FAT1: variants seen among roughly 807,000 people sequenced by gnomAD.
The protein encoded by FAT1 is protocadherin Fat 1.
FAT1 carries 171 observed loss-of-function variants against 329.8 expected under a neutral mutation model. That is an observed-to-expected ratio of 0.52 (90% CI 0.46 to 0.59). The LOEUF (loss-of-function observed/expected upper bound fraction) is 0.59. Among genes scored for constraint, FAT1 ranks in the 20% least tolerant of loss-of-function variants. The pLI, the probability that FAT1 is intolerant of heterozygous loss-of-function variation, is 0.00. For synonymous variants in FAT1, 2,233 were observed against 2,228.6 expected (o/e 1.00, Z -0.06); for missense variants, 5,672 against 5,774.4 (o/e 0.98, Z 0.57).
chr4:186,606,244 AT>A, intron 16 of FAT1, 31 bp from the exon 17 acceptor site: 1 of 1,611,372 alleles, frequency 6.2e-7, no homozygotes, highest in Non-Finnish European at 8.5e-7. Context: ...ATGCACGTTC[AT>A]TTTCACAAGG....
At chr4:186,600,919 C>T (rs1738783294) in intron 21 of FAT1, among the ~76,000 whole-genome samples, 1 of 152,198 alleles carries the variant, frequency 6.6e-6, no homozygotes, top group African/African-American at 2.4e-5. Flanking sequence ...GCCATGCTGG[C>T]CAGGCTGGTC....
rs565831107 is a variant in FAT1, at chr4:186,695,226, G to T, written c.3265+11337C>A. Among the ~76,000 whole-genome samples the T allele has an allele frequency of 5.9e-5, 9 of 152,266 alleles. No individual in the cohort carries two copies. In the East Asian group the frequency reaches 1.7e-3, roughly 29 times the overall value. ...CTCATCTTTTATACTTAAAACAAAA[G>T]AAATACTTTTCAATCCAGAGGATGA... On this transcript the variant is annotated intron_variant, in intron 2 of 26. Coordinates refer to ENST00000441802, the MANE Select transcript of FAT1 (RefSeq NM_005245.4).
chr4:186,605,592 GGAGTGGGGAGGAGGGAA>G (rs1739089268), intron 17 of FAT1, among the ~76,000 whole-genome samples: 1 of 128,664 alleles, frequency 7.8e-6, no homozygotes, highest in Non-Finnish European at 1.7e-5. Flanking sequence ...ATGGGAGGGA[GGAGTGGGGAGGAGGGAA>G]GAGTGGGGAG....
intron 3 of FAT1, among the ~76,000 whole-genome samples, chr4:186,656,768 G>A (rs1032542499): frequency 2.0e-5 from 3 of 152,162 alleles, no homozygotes; most frequent in Non-Finnish European, 2.9e-5. Flanking sequence ...GCTAAGTTTC[G>A]ATTTAAAATA....
intron 7 of FAT1, among the ~76,000 whole-genome samples, chr4:186,630,833 G>A (rs928534337): frequency 2.6e-5 from 4 of 152,122 alleles, no homozygotes; most frequent in Non-Finnish European, 5.9e-5. Flanking sequence ...CAGAGGCCAC[G>A]ATGCTGATGC....
Position 186,652,665 on chromosome 4 carries a change from A to G in FAT1, c.3580+10634T>C, listed in dbSNP as rs578013324. On this transcript the variant is annotated intron_variant, in intron 3 of 26. Coordinates refer to ENST00000441802, the MANE Select transcript of FAT1 (RefSeq NM_005245.4). ...TTTTAAATGAATTCCTGCCATTGAA[A>G]TGCGACTGGCCCGTCCTTTCCTTCC... Among the ~76,000 whole-genome samples the G allele has an allele frequency of 2.0e-5, 3 of 152,324 alleles. No homozygotes were observed. The South Asian group carries it at 6.2e-4, about 32-fold the overall frequency.
intron 3 of FAT1, among the ~76,000 whole-genome samples, chr4:186,659,479 G>C (rs2126609420): frequency 6.6e-6 from 1 of 152,322 alleles, no homozygotes; most frequent in Middle Eastern, 3.4e-3. Context: ...AAAGGCACAA[G>C]TTTATCAGTC....
rs1448185914 is a variant in FAT1 at position 186,621,536 on chromosome 4, T to C, written c.5050A>G (p.Ser1684Gly). The C allele has an allele frequency of 1.9e-6, 3 of 1,613,822 alleles. No individual in the cohort carries two copies. Among genetic ancestry groups the C allele is most frequent in the African/African-American group, 2.7e-5 (2 of 74,914 alleles). ...TGGGCTGTAACCATCCCAACGAAACTCCCAATGCTGACAGTTTCACTAAGT... is the reference window on the plus strand; with the variant it reads ...TGGGCTGTAACCATCCCAACGAAACCCCCAATGCTGACAGTTTCACTAAGT... ...VELSETVSIG[S>G]FVGMVTAHSQ... Residue 1684 changes from serine (S) to glycine (G), a missense_variant, in exon 10 of 27, where the codon AGT becomes GGT. Transcript: ENST00000441802.
intron 2 of FAT1, among the ~76,000 whole-genome samples, chr4:186,696,530 C>G (rs1744049938): frequency 6.6e-6 from 1 of 152,138 alleles, no homozygotes. Flanking sequence ...CTGTGCCAAG[C>G]ACTGTGATAA....
intron 13 of FAT1, among the ~76,000 whole-genome samples, chr4:186,612,508 G>C (rs1739494986): frequency 6.6e-6 from 1 of 152,080 alleles, no homozygotes; most frequent in African/African-American, 2.4e-5. Context: ...ATGCTCATTG[G>C]AGCATTTCGG....
At chr4:186,645,494 A>G (rs1464946772) in intron 3 of FAT1, among the ~76,000 whole-genome samples, 3 of 145,278 alleles carry the variant, frequency 2.1e-5, no homozygotes, top group Non-Finnish European at 3.0e-5. Context: ...TAAATATGTG[A>G]AGATATCTCC....
chr4:186,645,968 T>TACACACACACACACACAC (rs371987938), intron 3 of FAT1, among the ~76,000 whole-genome samples: 1 of 105,230 alleles, frequency 9.5e-6, no homozygotes, highest in Non-Finnish European at 1.8e-5. Context: ...AAAAAATATA[T>TACACACACACACACACAC]ACACACACAC....
chr4:186,720,527 C>G (rs1023664263), intron 1 of FAT1, among the ~76,000 whole-genome samples: 1 of 152,176 alleles, frequency 6.6e-6, no homozygotes, highest in Non-Finnish European at 1.5e-5. Context: ...AATTGTTCCC[C>G]TCTGATTCAC....
rs2126682509 is a variant in FAT1 at position 186,706,682 on chromosome 4, A to G, written c.3146T>C (p.Val1049Ala). The change falls in exon 2 of 27, where the codon GTT becomes GCT. Residue 1049 changes from valine to alanine, a missense_variant. Transcript: ENST00000441802. Reference protein sequence around the residue: ...EKGTVKEDAPVGSLVMTVSAH... With the variant: ...EKGTVKEDAPAGSLVMTVSAH... ...CGACACCGTCATTACCAATGAACCA[A>G]CAGGTGCATCTTCTTTCACTGTCCC... is the stretch of plus-strand genomic sequence containing the variant. 1 of 1,614,000 alleles carries G rather than the reference A, an allele frequency of 6.2e-7. No homozygotes were observed. Among genetic ancestry groups the G allele is most frequent in the Non-Finnish European group, 8.5e-7 (1 of 1,179,894 alleles).
At chr4:186,657,375 C>T (rs1366877591) in intron 3 of FAT1, among the ~76,000 whole-genome samples, 1 of 152,086 alleles carries the variant, frequency 6.6e-6, no homozygotes, top group East Asian at 1.9e-4. Flanking sequence ...GTATAAGAAG[C>T]CTTACCAAAA....
In FAT1 at chr4:186,614,229, C is replaced by A; in HGVS notation, c.9191G>T (p.Gly3064Val). The A allele has an allele frequency of 1.2e-6, 2 of 1,600,766 alleles. No homozygotes were observed. Among genetic ancestry groups the A allele is most frequent in the Non-Finnish European group, 1.7e-6 (2 of 1,175,948 alleles). Residue 3064 changes from glycine (G) to valine (V), a missense_variant, in exon 12 of 27, where the codon GGT becomes GTT. Gly to Val is a moderately radical substitution (Grantham distance 109). Transcript: ENST00000441802. ...SNAEITYTLL[G>V]SGAEKFKLNP... ...TAGTTTGAATTTTTCTGCACCTGAA[C>A]CCAATAACGTGTAAGTAATTTCAGC...
rs112743356 is a variant in FAT1, at chr4:186,619,008, G to A, written c.7578C>T (p.His2526=). ...TTDGDSGIYG[H]VTYHIVNDFA... ...AGTCATTTACAATATGGTAAGTAAC[G>A]TGACCATAAATACCAGAATCCCCAT... Residue 2526 remains histidine, a synonymous_variant, in exon 10 of 27, where the codon CAC becomes CAT. Coordinates refer to ENST00000441802, the MANE Select transcript of FAT1 (RefSeq NM_005245.4). The A allele has an allele frequency of 8.6e-5, 139 of 1,613,956 alleles. 1 individual carries two copies. The highest frequency in any genetic ancestry group is 7.5e-4 in the African/African-American group (56 of 75,024).
intron 13 of FAT1, among the ~76,000 whole-genome samples, 173 bp from the exon 14 acceptor site, chr4:186,611,948 C>T (rs1287186986): frequency 1.3e-5 from 2 of 151,650 alleles, no homozygotes; most frequent in African/African-American, 2.4e-5. Context: ...CTCAGCCTCC[C>T]GAGTGGCTGG....
At position 186,620,750 on chromosome 4, in the gene FAT1, T is replaced by C. The variant is rs754895651; in HGVS notation, c.5836A>G (p.Ser1946Gly). Residue 1946 changes from serine (S) to glycine (G), a missense_variant, in exon 10 of 27, where the codon AGC (serine) becomes GGC (glycine). This residue lies in a region of FAT1 where 3,966 missense variants were observed against 3,915.2 expected (regional missense o/e 1.01). Transcript: ENST00000441802. ...LTVQNTTQLR[S>G]RYELTVRASD... The stretch of plus-strand genomic sequence containing the variant: ...GCTCTAACGGTTAGCTCGTAGCGGC[T>C]TCTTAACTGAGTTGTGTTTTGGACA... 11 of 1,614,060 alleles carry C rather than the reference T, an allele frequency of 6.8e-6. No individual in the cohort carries two copies. Among genetic ancestry groups the C allele is most frequent in the Non-Finnish European group, 9.3e-6 (11 of 1,179,902 alleles).
Sources: gnomAD v4.1 joint callset for allele counts (sites outside exome capture counted in the v4.1 genomes callset) on GRCh38, gnomAD v4.1.1 for gene constraint, gnomAD v4.1.1 regional missense constraint, MANE v1.5 for transcripts, NCBI Gene and HGNC (gene_info 2026-07-23, HGNC 2026-07-21) for gene names.